GGCX: variants seen among roughly 807,000 people sequenced by gnomAD.
GGCX encodes the protein gamma-glutamyl carboxylase.
In GGCX, 63 loss-of-function variants were observed where a neutral mutation model predicts 88.5. The observed-to-expected ratio is 0.71, with a 90% confidence interval of 0.58 to 0.88. The LOEUF (loss-of-function observed/expected upper bound fraction) is 0.88, where lower values mean the gene tolerates loss of function less well. GGCX is among the 40% of genes least tolerant of loss of function. The pLI is 0.00. For synonymous variants in GGCX, 368 were observed against 365.8 expected (o/e 1.01, Z -0.07); for missense variants, 805 against 932.9 (o/e 0.86, Z 1.79).
In GGCX at chr2:85,549,944, G is replaced by A; in HGVS notation, c.2267C>T (p.Ser756Leu). The change falls in exon 15 of 15, where the codon TCA becomes TTA. Residue 756 changes from serine (S) to leucine (L), a missense_variant. By Grantham distance (145) the Ser-to-Leu change is moderately radical. This residue lies in a region of GGCX where 680 missense variants were observed against 763.7 expected (regional missense o/e 0.89). Coordinates refer to ENST00000233838, the MANE Select transcript of GGCX (RefSeq NM_000821.7). ...AACATCTGGCCCCCTTCAGAACTCTGAGTGGACAGGATCAGGATTTGACTC... is the reference window on the plus strand; with the variant it reads ...AACATCTGGCCCCCTTCAGAACTCTAAGTGGACAGGATCAGGATTTGACTC... ...PPESNPDPVH[S>L]EF 6.2e-7 allele frequency: 1 copy of A among 1,611,784 alleles called. No homozygotes were observed. The highest frequency in any genetic ancestry group is 8.5e-7 in the Non-Finnish European group (1 of 1,178,064).
At chr2:85,557,038 A>G (rs1692230647) in intron 4 of GGCX, among the ~76,000 whole-genome samples, 2 of 152,200 alleles carry the variant, frequency 1.3e-5, no homozygotes, top group African/African-American at 4.8e-5. Flanking sequence ...AGCTAAAGCG[A>G]GAGAATCTCT....
intron 1 of GGCX, 65 bp downstream of exon 1, chr2:85,561,321 C>T: frequency 9.2e-7 from 1 of 1,090,734 alleles, no homozygotes; most frequent in Non-Finnish European, 1.3e-6. Context: ...CGTCCTCCCG[C>T]CCCCGCCCCT....
Position 85,558,573 on chromosome 2 carries a change from G to C in GGCX, c.406C>G (p.Arg136Gly), listed in dbSNP as rs142918177. 1 of 1,613,558 alleles carries C rather than the reference G, an allele frequency of 6.2e-7. No individual in the cohort carries two copies. Among genetic ancestry groups the C allele is most frequent in the Non-Finnish European group, 8.5e-7 (1 of 1,179,534 alleles). ...ALGMMLGLCY[R>G]ISCVLFLLPY... ...AGCAGGAATAACACACAGCTTATCC[G>C]GTAGCACAGGCCCAGCATCATGCCC... Residue 136 changes from arginine to glycine, a missense_variant, in exon 4 of 15, where the codon CGG (arginine) becomes GGG (glycine). Around this residue, in one of 3 missense-constraint regions of GGCX, gnomAD observed 680 missense variants for 763.7 expected, o/e 0.89. Coordinates refer to ENST00000233838, the MANE Select transcript of GGCX (RefSeq NM_000821.7).
intron 2 of GGCX, among the ~76,000 whole-genome samples, chr2:85,559,856 G>A (rs1466985949): frequency 4.6e-5 from 7 of 152,162 alleles, no homozygotes. Flanking sequence ...CAGGAAGCCA[G>A]CTTGAGATAA....
At chr2:85,561,234 C>T in intron 1 of GGCX, 152 bp downstream of exon 1, 1 of 639,970 alleles carries the variant, frequency 1.6e-6, no homozygotes, top group Non-Finnish European at 2.8e-6. Flanking sequence ...ATTCAGAAGC[C>T]GCAGGCTGCA....
Position 85,558,909 on chromosome 2 carries a change from C to T in GGCX, c.373+8G>A. The T allele has an allele frequency of 1.9e-6, 3 of 1,612,722 alleles. No homozygotes were observed. The highest frequency in any genetic ancestry group is 1.3e-5 in the African/African-American group (1 of 75,008). ...AGGCCAGTCAATATTTCCCACAGTT[C>T]CCCTCACCCAGAAACATGATGGTGT... On this transcript the variant is annotated splice_region_variant and intron_variant, in intron 3 of 14. Coordinates refer to ENST00000233838, the MANE Select transcript of GGCX (RefSeq NM_000821.7).
intron 2 of GGCX, 89 bp from the exon 3 acceptor site, chr2:85,559,164 A>G (rs1409524089): frequency 9.4e-7 from 1 of 1,060,282 alleles, no homozygotes; most frequent in African/African-American, 1.6e-5. Flanking sequence ...GTGCAGCTCC[A>G]GGGTCAGACT....
chr2:85,545,528 G>A lies in GGCX; in HGVS notation c.*4406C>T, dbSNP rs1442970686. ...AACCTTGAATTGTAATCCATAATTAGCCATAATTCAGGAAAATAACCTCAA... is the reference window on the plus strand; with the variant it reads ...AACCTTGAATTGTAATCCATAATTAACCATAATTCAGGAAAATAACCTCAA... On this transcript the variant is annotated 3_prime_UTR_variant, in exon 15 of 15. Transcript: ENST00000233838. The A allele has an allele frequency of 6.6e-6, 1 of 152,124 alleles. No homozygotes were observed. Among genetic ancestry groups the A allele is most frequent in the Non-Finnish European group, 1.5e-5 (1 of 68,030 alleles). 9.4% of individuals were successfully genotyped at this position (152,124 alleles called of 1,614,324 possible).
intron 1 of GGCX, 104 bp from the exon 2 acceptor site, chr2:85,561,089 G>T: frequency 1.0e-6 from 1 of 975,702 alleles, no homozygotes; most frequent in Non-Finnish European, 1.6e-6. Flanking sequence ...ACCCGGGTCG[G>T]CTCAATGAGG....
chr2:85,556,203 G>C lies in GGCX; in HGVS notation c.597C>G (p.Asn199Lys). Reference sequence around the variant, plus strand: ...GTACCTGGCCACGGAGCACTGCATAGTTCCAAAGGGGCACGTGGGCATTCC... The same window carrying C: ...GTACCTGGCCACGGAGCACTGCATACTTCCAAAGGGGCACGTGGGCATTCC... ...HRRNAHVPLWNYAVLRGQIFI... is the reference protein window; with the variant it reads ...HRRNAHVPLWKYAVLRGQIFI... The change falls in exon 5 of 15, where the codon AAC becomes AAG. Residue 199 changes from asparagine (N) to lysine (K), a missense_variant. Around this residue, in one of 3 missense-constraint regions of GGCX, gnomAD observed 680 missense variants for 763.7 expected, o/e 0.89. Coordinates refer to ENST00000233838, the MANE Select transcript of GGCX (RefSeq NM_000821.7). The C allele has an allele frequency of 6.2e-7, 1 of 1,611,710 alleles. No individual in the cohort carries two copies. The highest frequency in any genetic ancestry group is 2.2e-5 in the East Asian group (1 of 44,872).
chr2:85,553,142 CT>C (rs766763258), intron 8 of GGCX, 72 bp from the exon 9 acceptor site: 150 of 1,610,034 alleles, frequency 9.3e-5, no homozygotes, highest in Non-Finnish European at 1.2e-4. Flanking sequence ...CAAGAAGGGG[CT>C]GCAAAACCAG....
At position 85,546,637 on chromosome 2, in the gene GGCX, G is replaced by C. The variant is rs773349114; in HGVS notation, c.*3297C>G. ...GAGAATCACTTGAACCCAGGAGGCAGAGGTTGCAGTGAGCCGAGATGGCGC... is the reference window on the plus strand; with the variant it reads ...GAGAATCACTTGAACCCAGGAGGCACAGGTTGCAGTGAGCCGAGATGGCGC... On this transcript the variant is annotated 3_prime_UTR_variant, in exon 15 of 15. Transcript: ENST00000233838. 1 of 152,342 alleles carries C rather than the reference G, an allele frequency of 6.6e-6. No individual in the cohort carries two copies. Among genetic ancestry groups the C allele is most frequent in the Non-Finnish European group, 1.5e-5 (1 of 68,114 alleles). 9.4% of individuals were successfully genotyped at this position (152,342 alleles called of 1,614,324 possible). A position where few individuals can be genotyped will look rare whatever the true frequency, so the allele number is the denominator to read the frequency against.
chr2:85,558,123 A>T (rs1207370249), intron 4 of GGCX, among the ~76,000 whole-genome samples: 8 of 152,206 alleles, frequency 5.3e-5, no homozygotes, highest in Non-Finnish European at 1.2e-4. Flanking sequence ...AACCACCCTT[A>T]AAGTATCTGA....
chr2:85,558,382 T>A, intron 4 of GGCX, 58 bp downstream of exon 4: 1 of 1,406,190 alleles, frequency 7.1e-7, no homozygotes, highest in East Asian at 2.3e-5. Flanking sequence ...TGGGCCCCTA[T>A]CTCTGATAAC....
chr2:85,553,358 A>G lies in GGCX; in HGVS notation c.1029T>C (p.Cys343=). The stretch of plus-strand genomic sequence containing the variant: ...TTTTGCCCCGGCTCCTCTTATACAC[A>G]CAGGAAACACTGGGCTGAGGGGCTG... ...LKAAPQPSVS[C]VYKRSRGKSG... is the part of the protein sequence containing the mutation. Residue 343 remains cysteine (C), a synonymous_variant, in exon 8 of 15, where the codon TGT becomes TGC. Transcript: ENST00000233838. 1 of 1,614,154 alleles carries G rather than the reference A, an allele frequency of 6.2e-7. No individual in the cohort carries two copies. The highest frequency in any genetic ancestry group is 1.1e-5 in the South Asian group (1 of 91,080).
Position 85,549,790 on chromosome 2 carries a change from C to A in GGCX, c.*144G>T. Reference sequence around the variant, plus strand: ...TTCCTTGGTTCCTCTAAGTTGTAATCTCGGAGTTAAAAACAGCTTTAGAAC... The same window carrying A: ...TTCCTTGGTTCCTCTAAGTTGTAATATCGGAGTTAAAAACAGCTTTAGAAC... On this transcript the variant is annotated 3_prime_UTR_variant, in exon 15 of 15. Coordinates refer to ENST00000233838, the MANE Select transcript of GGCX (RefSeq NM_000821.7). 1 of 658,246 alleles carries A rather than the reference C, an allele frequency of 1.5e-6. No homozygotes were observed. Among genetic ancestry groups the A allele is most frequent in the Admixed American group, 2.6e-5 (1 of 38,630 alleles). 40.8% of individuals were successfully genotyped at this position (658,246 alleles called of 1,614,324 possible).
At chr2:85,552,103 G>A (rs112536256) in intron 10 of GGCX, 122 bp from the exon 11 acceptor site, 50 of 796,746 alleles carry the variant, frequency 6.3e-5, no homozygotes, top group Non-Finnish European at 9.4e-5. Flanking sequence ...GCCTGTGTCA[G>A]CATGTTATTG....
At chr2:85,551,183 G>C (rs1463066252) in intron 12 of GGCX, 111 bp from the exon 13 acceptor site, 2 of 1,079,810 alleles carry the variant, frequency 1.9e-6, no homozygotes, top group Non-Finnish European at 2.8e-6. Flanking sequence ...TTTTGGAATC[G>C]AAAGTAACGG....
intron 1 of GGCX, 31 bp downstream of exon 1, chr2:85,561,355 T>A: frequency 7.6e-7 from 1 of 1,318,040 alleles, no homozygotes; most frequent in Non-Finnish European, 1.0e-6. Flanking sequence ...TCCTAGGAAC[T>A]CTCCGCCGGA....
Sources: allele counts gnomAD v4.1 joint callset (sites outside exome capture counted in the v4.1 genomes callset), GRCh38; gene constraint gnomAD v4.1.1; regional missense constraint gnomAD v4.1.1; transcripts MANE v1.5; gene names NCBI Gene and HGNC (gene_info 2026-07-23, HGNC 2026-07-21).